Variants in RBFOX1 observed in about 807,000 individuals in gnomAD.
RBFOX1 encodes RNA binding protein fox-1 homolog 1.
A neutral mutation model predicts 57.7 loss-of-function variants in RBFOX1; 8 were observed. The ratio of observed to expected loss-of-function variants is 0.14; its 90% CI spans 0.08 to 0.25. The LOEUF (loss-of-function observed/expected upper bound fraction) is 0.25, where lower values mean the gene tolerates loss of function less well. Among genes scored for constraint, RBFOX1 ranks in the 10% least tolerant of loss-of-function variants. The pLI, the probability that RBFOX1 is intolerant of heterozygous loss-of-function variation, is 1.00. For synonymous variants in RBFOX1, 326 were observed against 222.4 expected (o/e 1.47, Z -4.15); for missense variants, 611 against 548.5 (o/e 1.11, Z -1.14).
chr16:5,516,838 G>T (rs76835920), intron 2 of RBFOX1, among the ~76,000 whole-genome samples: 1,984 of 152,214 alleles, frequency 0.013, 53 homozygotes, highest in African/African-American at 0.046. Flanking sequence ...CCTATGAAGA[G>T]GCGCCTTCTG....
chr16:6,610,412 C>T (rs2098027978), intron 2 of RBFOX1, among the ~76,000 whole-genome samples: 1 of 152,098 alleles, frequency 6.6e-6, no homozygotes, highest in Admixed American at 6.5e-5. Context: ...ACTGCAGCAT[C>T]AACCTTGCCG....
chr16:5,718,040 C>G (rs1305197567), intron 3 of RBFOX1, among the ~76,000 whole-genome samples: 1 of 152,152 alleles, frequency 6.6e-6, no homozygotes, highest in African/African-American at 2.4e-5. Flanking sequence ...TGCCTCTTGA[C>G]TTTGGTATTG....
At chr16:5,718,278 C>T (rs1417123885) in intron 3 of RBFOX1, among the ~76,000 whole-genome samples, 1 of 152,170 alleles carries the variant, frequency 6.6e-6, no homozygotes, top group East Asian at 1.9e-4. Flanking sequence ...TGCATGAACC[C>T]AATGTGCAGT....
intron 4 of RBFOX1, among the ~76,000 whole-genome samples, chr16:7,170,690 G>C (rs1028877139): frequency 3.3e-5 from 5 of 151,988 alleles, no homozygotes; most frequent in African/African-American, 4.8e-5. Flanking sequence ...GTTTTCTTTG[G>C]GTTTGGTTTC....
intron 4 of RBFOX1, among the ~76,000 whole-genome samples, chr16:7,257,416 A>T (rs879809049): frequency 2.0e-5 from 3 of 152,088 alleles, no homozygotes; most frequent in Non-Finnish European, 4.4e-5. Flanking sequence ...AAGTCACTGT[A>T]GGGAAAATGT....
intron 2 of RBFOX1, among the ~76,000 whole-genome samples, chr16:6,404,794 C>T (rs769465629): frequency 9.9e-5 from 15 of 152,150 alleles, no homozygotes; most frequent in Non-Finnish European, 1.6e-4. Flanking sequence ...CAGATCTCAT[C>T]AGAATCCAGC....
chr16:7,564,006 C>G (rs1460548024), intron 5 of RBFOX1, among the ~76,000 whole-genome samples: 1 of 152,114 alleles, frequency 6.6e-6, no homozygotes, highest in Non-Finnish European at 1.5e-5. Context: ...AACAATGCTT[C>G]TTTAAGTGCA....
At chr16:5,620,274 C>T (rs1022950755) in intron 3 of RBFOX1, among the ~76,000 whole-genome samples, 3 of 152,118 alleles carry the variant, frequency 2.0e-5, no homozygotes, top group African/African-American at 7.2e-5. Context: ...CCAACACATG[C>T]CATCTGAATT....
chr16:5,610,359 T>C (rs2047733110), intron 3 of RBFOX1: 1 of 152,222 alleles, frequency 6.6e-6, no homozygotes, highest in South Asian at 2.1e-4. Flanking sequence ...CTCACGGGGT[T>C]CTGTTGTCCC....
At chr16:5,594,969 T>TA (rs34885484) in intron 2 of RBFOX1, among the ~76,000 whole-genome samples, 1,261 of 90,424 alleles carry the variant, frequency 0.014, 30 homozygotes, top group African/African-American at 0.034. Flanking sequence ...CTGTCTCTAC[T>TA]AAAAAAAAAA....
At chr16:6,790,267 C>T (rs1486334368) in intron 3 of RBFOX1, among the ~76,000 whole-genome samples, 1 of 151,534 alleles carries the variant, frequency 6.6e-6, no homozygotes, top group Non-Finnish European at 1.5e-5. Context: ...TTAGTGCAAC[C>T]TCTGCCTCCA....
In RBFOX1 at chr16:7,038,333, A is replaced by G. The variant is rs568284913; in HGVS notation, c.-15-13724A>G. On this transcript the variant is annotated intron_variant, in intron 3 of 15. Transcript: ENST00000550418. ...TGAAGGAGGGCAATTATAACCCTTG[A>G]TCATGAGGGAAAGAAATGGTGATTG... Among the ~76,000 whole-genome samples, 28 of 152,294 alleles carry G rather than the reference A, an allele frequency of 1.8e-4. 1 individual carries two copies. The South Asian group carries it at 5.6e-3, about 30-fold the overall frequency.
chr16:7,081,293 C>G (rs1473370908), intron 4 of RBFOX1, among the ~76,000 whole-genome samples: 1 of 152,208 alleles, frequency 6.6e-6, no homozygotes, highest in African/African-American at 2.4e-5. Context: ...CCTTGGCCTC[C>G]CAAAGTGCTG....
intron 4 of RBFOX1, among the ~76,000 whole-genome samples, chr16:7,276,450 C>T (rs1312898520): frequency 6.6e-6 from 1 of 152,174 alleles, no homozygotes; most frequent in Admixed American, 6.5e-5. Flanking sequence ...ATACAAAATA[C>T]CATTAGTTTT....
At chr16:5,366,298 TTGATGATGATGAAGA>T in intron 1 of RBFOX1, 2 of 364,134 alleles carry the variant, frequency 5.5e-6, no homozygotes, top group South Asian at 4.7e-5. Context: ...CATGACGATT[TTGATGATGATGAAGA>T]TGATGATGAT....
chr16:5,426,223 C>T (rs1459191070), intron 1 of RBFOX1, among the ~76,000 whole-genome samples: 1 of 152,112 alleles, frequency 6.6e-6, no homozygotes, highest in Non-Finnish European at 1.5e-5. Flanking sequence ...GTGGAGTGGT[C>T]CCACTCAAAG....
At chr16:6,659,112 C>A (rs2098684150) in intron 3 of RBFOX1, among the ~76,000 whole-genome samples, 1 of 151,828 alleles carries the variant, frequency 6.6e-6, no homozygotes, top group African/African-American at 2.4e-5. Flanking sequence ...CATTTAAATT[C>A]ATTTTTATTT....
intron 3 of RBFOX1, among the ~76,000 whole-genome samples, chr16:5,771,850 G>A (rs1415741503): frequency 6.6e-6 from 1 of 152,168 alleles, no homozygotes; most frequent in African/African-American, 2.4e-5. Context: ...GTGTGATAGT[G>A]TCAGTTCAAT....
intron 2 of RBFOX1, among the ~76,000 whole-genome samples, chr16:5,593,430 T>A (rs1353189438): frequency 6.7e-6 from 1 of 149,414 alleles, no homozygotes; most frequent in South Asian, 2.1e-4. Context: ...CCATGGCACA[T>A]GTATACCTAT....
Sources: allele counts gnomAD v4.1 joint callset (sites outside exome capture counted in the v4.1 genomes callset), GRCh38; gene constraint gnomAD v4.1.1; transcripts MANE v1.5; gene names NCBI Gene and HGNC (gene_info 2026-07-23, HGNC 2026-07-21).